BMPR1B: variants seen among roughly 807,000 people sequenced by gnomAD.
BMPR1B encodes the protein bone morphogenetic protein receptor type-1B.
Under a neutral mutation model 59.1 loss-of-function variants are expected in BMPR1B, and 12 were observed. That is an observed-to-expected ratio of 0.20 (90% CI 0.13 to 0.33). The LOEUF (loss-of-function observed/expected upper bound fraction) is 0.33, where lower values mean the gene tolerates loss of function less well. BMPR1B is among the 10% of genes least tolerant of loss of function. BMPR1B has a pLI of 1.00. For missense variants in BMPR1B, 550 were observed against 610.9 expected (o/e 0.90, Z 1.05); for synonymous variants, 237 against 207.3 (o/e 1.14, Z -1.23).
chr4:94,923,856 A>C (rs1027299807), intron 2 of BMPR1B, among the ~76,000 whole-genome samples: 16 of 152,040 alleles, frequency 1.1e-4, no homozygotes, highest in African/African-American at 3.6e-4. Context: ...GATCTCTTTG[A>C]CTGTGATTTC....
chr4:95,136,188 C>A (rs559776982), intron 10 of BMPR1B, among the ~76,000 whole-genome samples: 1 of 151,834 alleles, frequency 6.6e-6, no homozygotes, highest in African/African-American at 2.4e-5. Flanking sequence ...CAGGACCAGA[C>A]GGACTACATT....
chr4:95,063,600 A>G (rs1433321595), intron 3 of BMPR1B, among the ~76,000 whole-genome samples: 2 of 152,176 alleles, frequency 1.3e-5, no homozygotes, highest in African/African-American at 4.8e-5. Flanking sequence ...CATTTCTTAG[A>G]GGAGAATATT....
intron 2 of BMPR1B, among the ~76,000 whole-genome samples, chr4:94,917,346 A>G (rs1728522885): frequency 6.6e-6 from 1 of 152,200 alleles, no homozygotes; most frequent in African/African-American, 2.4e-5. Context: ...GAAAAGCCAG[A>G]GGCATTTAAC....
chr4:94,762,473 TC>T (rs1477552672), intron 1 of BMPR1B, among the ~76,000 whole-genome samples: 1 of 152,098 alleles, frequency 6.6e-6, no homozygotes, highest in African/African-American at 2.4e-5. Flanking sequence ...TGAAAGAACT[TC>T]CTATCAGAGG....
At chr4:94,969,509 G>T (rs1730691428) in intron 2 of BMPR1B, among the ~76,000 whole-genome samples, 1 of 152,192 alleles carries the variant, frequency 6.6e-6, no homozygotes, top group African/African-American at 2.4e-5. Flanking sequence ...CAGAAAATGT[G>T]TAGCTATTAA....
At chr4:95,044,057 T>C (rs1725861788) in intron 3 of BMPR1B, among the ~76,000 whole-genome samples, 1 of 152,246 alleles carries the variant, frequency 6.6e-6, no homozygotes, top group African/African-American at 2.4e-5. Flanking sequence ...TTTTGAAATA[T>C]ATACTTAATA....
intron 3 of BMPR1B, among the ~76,000 whole-genome samples, chr4:95,063,207 A>T (rs1727535971): frequency 6.6e-6 from 1 of 152,210 alleles, no homozygotes; most frequent in Non-Finnish European, 1.5e-5. Context: ...AAACTAATAG[A>T]CAATAACTAA....
chr4:95,074,790 A>T (rs1424095525), intron 3 of BMPR1B, among the ~76,000 whole-genome samples: 13 of 151,524 alleles, frequency 8.6e-5, no homozygotes, highest in Non-Finnish European at 8.8e-5. Flanking sequence ...AATGGAAATT[A>T]AAAAAAAACC....
At chr4:94,776,244 G>A (rs752660162) in intron 1 of BMPR1B, among the ~76,000 whole-genome samples, 29 of 151,824 alleles carry the variant, frequency 1.9e-4, no homozygotes, top group Non-Finnish European at 4.0e-4. Flanking sequence ...CTCTAATAAT[G>A]TTTATATTAT....
At chr4:94,877,983 C>T (rs188904878) in intron 2 of BMPR1B, among the ~76,000 whole-genome samples, 1 of 152,188 alleles carries the variant, frequency 6.6e-6, no homozygotes, top group African/African-American at 2.4e-5. Context: ...TATGCATTTA[C>T]ATTGGAATGA....
At chr4:94,984,351 T>C (rs111418825) in intron 2 of BMPR1B, among the ~76,000 whole-genome samples, 1 of 152,322 alleles carries the variant, frequency 6.6e-6, no homozygotes, top group Non-Finnish European at 1.5e-5. Context: ...GCCAGTAAAC[T>C]CAATGAAAAC....
chr4:95,115,718 G>C lies in BMPR1B; in HGVS notation c.280G>C (p.Glu94Gln). 4 of 1,613,710 alleles carry C rather than the reference G, an allele frequency of 2.5e-6. No individual in the cohort carries two copies. Among genetic ancestry groups the C allele is most frequent in the South Asian group, 1.1e-5 (1 of 91,080 alleles). The change falls in exon 6 of 13, where the codon GAA (glutamate) becomes CAA (glutamine). Residue 94 changes from glutamate to glutamine, a missense_variant. Glu to Gln is a conservative substitution (Grantham distance 29, BLOSUM62 2). This residue lies in a region of BMPR1B where 24 missense variants were observed against 20.3 expected (regional missense o/e 1.18). Coordinates refer to ENST00000515059, the MANE Select transcript of BMPR1B (RefSeq NM_001203.3). ...CATTCCTCATCAAAGAAGATCAATT[G>C]AATGCTGCACAGAAAGGAACGAATG... ...TPIPHQRRSI[E>Q]CCTERNECNK...
At chr4:94,907,135 T>C (rs1280682323) in intron 2 of BMPR1B, among the ~76,000 whole-genome samples, 1 of 152,104 alleles carries the variant, frequency 6.6e-6, no homozygotes, top group Non-Finnish European at 1.5e-5. Flanking sequence ...TGCTTTATCC[T>C]AGATGTGTTA....
chr4:94,910,882 A>T (rs149067381), intron 2 of BMPR1B, among the ~76,000 whole-genome samples: 2 of 152,136 alleles, frequency 1.3e-5, no homozygotes, highest in Non-Finnish European at 2.9e-5. Context: ...ACTGAACTCT[A>T]GTCTGGGGAA....
chr4:94,922,127 C>T (rs963664814), intron 2 of BMPR1B, among the ~76,000 whole-genome samples: 2 of 151,962 alleles, frequency 1.3e-5, no homozygotes, highest in African/African-American at 4.8e-5. Flanking sequence ...CATGCAGCCC[C>T]ATACCCTCTT....
intron 10 of BMPR1B, among the ~76,000 whole-genome samples, chr4:95,147,734 T>G (rs1734746586): frequency 6.6e-6 from 1 of 152,244 alleles, no homozygotes; most frequent in Non-Finnish European, 1.5e-5. Context: ...CTTTTCTACC[T>G]AGTTCCTTTA....
intron 2 of BMPR1B, among the ~76,000 whole-genome samples, chr4:94,978,453 T>C (rs940912725): frequency 6.6e-6 from 1 of 152,170 alleles, no homozygotes; most frequent in African/African-American, 2.4e-5. Flanking sequence ...TTTTTCCACA[T>C]TGGATGGTTT....
rs1553903537 is a variant in BMPR1B, at chr4:94,770,180, G to GTTTTTT, written c.-183+12113_-183+12114insTTTTTT. Among the ~76,000 whole-genome samples, 223 of 106,154 alleles carry GTTTTTT rather than the reference G, an allele frequency of 2.1e-3. 12 individuals are homozygous for GTTTTTT. The highest frequency in any genetic ancestry group is 7.9e-3 in the African/African-American group (191 of 24,122). The allele number at this position is 106,154 out of a possible 152,430, so 69.6% of individuals were successfully genotyped here. ...TTTGTTTGAATTGTCCTTCGTTTCT[G>GTTTTTT]TGTTTGTTTTTTTTTTTTTTTTTTG... On this transcript the variant is annotated intron_variant, in intron 1 of 12. Coordinates refer to ENST00000515059, the MANE Select transcript of BMPR1B (RefSeq NM_001203.3).
intron 2 of BMPR1B, among the ~76,000 whole-genome samples, chr4:94,959,575 A>AT (rs1730277586): frequency 6.6e-6 from 1 of 152,112 alleles, no homozygotes; most frequent in Non-Finnish European, 1.5e-5. Flanking sequence ...TTTTACCATT[A>AT]TTATTGTCTG....
Sources: allele counts gnomAD v4.1 joint callset (sites outside exome capture counted in the v4.1 genomes callset), GRCh38; gene constraint gnomAD v4.1.1; regional missense constraint gnomAD v4.1.1; transcripts MANE v1.5; gene names NCBI Gene and HGNC (gene_info 2026-07-23, HGNC 2026-07-21).